The following CCSER2 variants were observed in gnomAD, a reference collection of about 807,000 sequenced individuals.
The protein encoded by CCSER2 is serine-rich coiled-coil domain-containing protein 2.
CCSER2 carries 46 observed loss-of-function variants against 92.3 expected under a neutral mutation model. The observed-to-expected ratio is 0.50, with a 90% CI of 0.39 to 0.64. The LOEUF (loss-of-function observed/expected upper bound fraction) is 0.64. Among genes scored for constraint, CCSER2 ranks in the 30% least tolerant of loss-of-function variants. The pLI is 0.00. For synonymous variants in CCSER2, 433 were observed against 431.4 expected, an observed-to-expected ratio of 1.00 and a Z score of -0.04; for missense variants, 1,244 against 1,238.9, an observed-to-expected ratio of 1.00 and a Z score of -0.06.
Position 84,387,633 on chromosome 10 carries a change from A to C in CCSER2, c.1614+13818A>C, listed in dbSNP as rs540082410. ...AAGCTCCGCCTCCTGGGTTCACGCC[A>C]TTCTCCTGCCTCAGCCTCCCGAGTA... is the stretch of plus-strand genomic sequence containing the variant. On this transcript the variant is annotated intron_variant, in intron 3 of 9. Transcript: ENST00000372088. Among the ~76,000 whole-genome samples the C allele has an allele frequency of 2.0e-5, 3 of 151,922 alleles. No homozygotes were observed. The South Asian group carries it at 6.2e-4, about 32-fold the overall frequency.
rs1843640664 is a variant in CCSER2 at position 84,332,582 on chromosome 10, G to A, written c.-40+3774G>A. On this transcript the variant is annotated intron_variant, in intron 1 of 9. Transcript: ENST00000372088. ...GCCTCCCCAGTAGCTGGGACTACAG[G>A]CACGCGCCACCACGCCTGCCTAATT... Among the ~76,000 whole-genome samples the A allele has an allele frequency of 2.7e-5, 4 of 150,816 alleles. No homozygotes were observed. The South Asian group carries it at 8.4e-4, about 32-fold the overall frequency.
intron 6 of CCSER2, among the ~76,000 whole-genome samples, chr10:84,462,520 T>C (rs1026565244): frequency 3.3e-5 from 5 of 152,210 alleles, no homozygotes; most frequent in African/African-American, 1.2e-4. Context: ...GATGAACTTT[T>C]TACTGAGATG....
chr10:84,359,006 T>G (rs1232282536), intron 1 of CCSER2, among the ~76,000 whole-genome samples: 15 of 152,172 alleles, frequency 9.9e-5, no homozygotes, highest in Admixed American at 9.2e-4. Context: ...TGTCTCCTGG[T>G]CCTAGGACCC....
intron 1 of CCSER2, among the ~76,000 whole-genome samples, chr10:84,347,998 A>T (rs1844625801): frequency 6.6e-6 from 1 of 152,006 alleles, no homozygotes; most frequent in African/African-American, 2.4e-5. Context: ...GGCTCCTTGT[A>T]TCCCAAACGA....
chr10:84,460,930 G>T (rs1846068171), intron 6 of CCSER2, among the ~76,000 whole-genome samples: 1 of 152,026 alleles, frequency 6.6e-6, no homozygotes, highest in African/African-American at 2.4e-5. Flanking sequence ...TAGTTTCATT[G>T]ATTTGTTTGT....
At chr10:84,433,434 T>TAC (rs139177738) in intron 5 of CCSER2, among the ~76,000 whole-genome samples, 24,072 of 150,536 alleles carry the variant, frequency 0.16, 1,883 homozygotes, top group South Asian at 0.19. Flanking sequence ...CCCACACACA[T>TAC]ACACACACAC....
rs1475931868 is a variant in CCSER2 at position 84,465,273 on chromosome 10, GTGTGTGTGTGTGTGTGTGAA to G, written c.2148+1258_2148+1277del. On this transcript the variant is annotated intron_variant, in intron 7 of 9. Transcript: ENST00000372088. Reference sequence around the variant, plus strand: ...TGTGTGTGTGTGTGTGTGTGTGTGTGTGTGTGTGTGTGTGTGTGAAAAAGTTTTTTACATGTAAAGATTTT... The same window carrying G: ...TGTGTGTGTGTGTGTGTGTGTGTGTGAAAGTTTTTTACATGTAAAGATTTT... 5.7e-4 allele frequency among the ~76,000 whole-genome samples: 63 copies of G among 110,170 alleles called. 2 individuals are homozygous for G. The highest frequency in any genetic ancestry group is 2.0e-3 in the South Asian group (8 of 3,992). The allele number at this position is 110,170 out of a possible 152,430, so 72.3% of individuals were successfully genotyped here.
chr10:84,390,606 C>T lies in CCSER2; in HGVS notation c.1614+16791C>T, dbSNP rs140619736. 1.4e-3 allele frequency among the ~76,000 whole-genome samples: 209 copies of T among 152,242 alleles called. 1 individual carries two copies. Among genetic ancestry groups the T allele is most frequent in the African/African-American group, 4.8e-3 (199 of 41,554 alleles). ...CTAAGCAATAGGAATTTTTCAGCTC[C>T]GTTATAATCTGAAGGGACCAGTTTT... On this transcript the variant is annotated intron_variant, in intron 3 of 9. Coordinates refer to ENST00000372088, the MANE Select transcript of CCSER2 (RefSeq NM_001284240.2).
intron 1 of CCSER2, among the ~76,000 whole-genome samples, chr10:84,331,373 G>A (rs1843554510): frequency 6.6e-6 from 1 of 152,134 alleles, no homozygotes; most frequent in Non-Finnish European, 1.5e-5. Flanking sequence ...ATTCATTTGG[G>A]GATATGGGAG....
intron 9 of CCSER2, among the ~76,000 whole-genome samples, chr10:84,483,953 TTATATATATATA>T (rs57427963): frequency 0.12 from 5,617 of 47,686 alleles, 609 homozygotes; most frequent in African/African-American, 0.27. Flanking sequence ...CCCGGCTAAT[TTATATATATATA>T]TATATATATA....
chr10:84,384,252 G>A (rs894901693), intron 3 of CCSER2, among the ~76,000 whole-genome samples: 3 of 152,104 alleles, frequency 2.0e-5, no homozygotes. Context: ...AGGAGGCGGA[G>A]GAATTCCTTC....
intron 3 of CCSER2, among the ~76,000 whole-genome samples, chr10:84,406,341 G>T (rs1030031010): frequency 3.9e-5 from 6 of 152,160 alleles, no homozygotes; most frequent in African/African-American, 1.4e-4. Flanking sequence ...TCCTAATTGC[G>T]TAGGTGTTTA....
intron 3 of CCSER2, among the ~76,000 whole-genome samples, chr10:84,380,596 C>T (rs988616347): frequency 6.6e-6 from 1 of 151,956 alleles, no homozygotes; most frequent in Non-Finnish European, 1.5e-5. Context: ...GATGTTATTG[C>T]ATAATGATTA....
chr10:84,464,014 A>G lies in CCSER2; in HGVS notation c.2146A>G (p.Lys716Glu), dbSNP rs1424236187. 2 of 1,579,242 alleles carry G rather than the reference A, an allele frequency of 1.3e-6. No homozygotes were observed. The highest frequency in any genetic ancestry group is 2.2e-5 in the East Asian group (1 of 44,546). Residue 716 changes from lysine to glutamate, a missense_variant and splice_region_variant, in exon 7 of 10, where the codon AAG becomes GAG. Physicochemically the swap from Lys to Glu is moderately conservative, Grantham distance 56 (BLOSUM62 1). Transcript: ENST00000372088. ...PEPEDGDKVY[K>E]NEDLLNEIKQ... ...ACCAGAAGATGGTGATAAAGTATAT[A>G]AGGTATGACTATGTAGTCATGCTGG...
intron 1 of CCSER2, among the ~76,000 whole-genome samples, chr10:84,363,890 C>T (rs1198188068): frequency 6.6e-6 from 1 of 152,138 alleles, no homozygotes; most frequent in Non-Finnish European, 1.5e-5. Context: ...ATAGAGTATA[C>T]TTACACAGAT....
At position 84,441,760 on chromosome 10, in the gene CCSER2, T is replaced by A. The variant is rs1589675086; in HGVS notation, c.2064+3053T>A. On this transcript the variant is annotated intron_variant, in intron 6 of 9. Coordinates refer to ENST00000372088, the MANE Select transcript of CCSER2 (RefSeq NM_001284240.2). ...TGTTTTTTTTTTTTTTTTTTTTTTT[T>A]TTTTTTTTTTTTTTTTGAGACGAAG... 2.4e-5 allele frequency among the ~76,000 whole-genome samples: 2 copies of A among 82,708 alleles called. 1 individual carries two copies. Among genetic ancestry groups the A allele is most frequent in the Non-Finnish European group, 5.5e-5 (2 of 36,592 alleles). The allele number at this position is 82,708 out of a possible 152,430, so 54.3% of individuals were successfully genotyped here. A position where few individuals can be genotyped will look rare whatever the true frequency, so the allele number is the denominator to read the frequency against.
At position 84,513,769 on chromosome 10, in the gene CCSER2, G is replaced by C; in HGVS notation, c.2646G>C (p.Gln882His). 6.5e-7 allele frequency: 1 copy of C among 1,536,876 alleles called. No homozygotes were observed. Among genetic ancestry groups the C allele is most frequent in the East Asian group, 2.4e-5 (1 of 40,918 alleles). The change falls in exon 10 of 10, where the codon CAG (glutamine) becomes CAC (histidine). Residue 882 changes from glutamine to histidine, a missense_variant. Physicochemically the swap from Gln to His is conservative, Grantham distance 24 (BLOSUM62 0). Transcript: ENST00000372088. ...CAAACAATCAAATTAGTGACATGCA[G>C]TTTATACCCACTTCTCTTCAGACAC... ...HLANNQISDM[Q>H]FIPTSLQTPP...
intron 3 of CCSER2, among the ~76,000 whole-genome samples, chr10:84,392,799 C>G (rs557457384): frequency 6.6e-6 from 1 of 152,198 alleles, no homozygotes; most frequent in South Asian, 2.1e-4. Context: ...CTTGGTATAT[C>G]AAACTAAAGA....
At chr10:84,463,280 A>G (rs961383703) in intron 6 of CCSER2, among the ~76,000 whole-genome samples, 13 of 152,188 alleles carry the variant, frequency 8.5e-5, no homozygotes, top group African/African-American at 2.7e-4. Context: ...CAAGCTTTTC[A>G]TATGTATGTT....
Sources: allele counts gnomAD v4.1 joint callset (sites outside exome capture counted in the v4.1 genomes callset), GRCh38; gene constraint gnomAD v4.1.1; transcripts MANE v1.5; gene names NCBI Gene and HGNC (gene_info 2026-07-23, HGNC 2026-07-21).